NCOA1: variants seen among roughly 807,000 people sequenced by gnomAD.
NCOA1 encodes nuclear receptor coactivator 1.
A neutral mutation model predicts 150.9 loss-of-function variants in NCOA1; 35 were observed. The ratio of observed to expected loss-of-function variants is 0.23; its 90% CI spans 0.18 to 0.31. NCOA1 has a LOEUF of 0.31. Among genes scored for constraint, NCOA1 ranks in the 10% least tolerant of loss-of-function variants. The pLI, the probability that NCOA1 is intolerant of heterozygous loss-of-function variation, is 1.00. For missense variants in NCOA1, 1,491 were observed against 1,749.3 expected (o/e 0.85, Z 2.63); for synonymous variants, 590 against 630.0 (o/e 0.94, Z 0.95).
At chr2:24,691,752 G>A in intron 9 of NCOA1, 92 bp downstream of exon 9, 3 of 1,344,806 alleles carry the variant, frequency 2.2e-6, no homozygotes, top group South Asian at 1.4e-5. Flanking sequence ...TTTTCAGATA[G>A]TATTTTTGGT....
intron 3 of NCOA1, among the ~76,000 whole-genome samples, chr2:24,585,999 G>A (rs900031782): frequency 3.9e-5 from 6 of 152,158 alleles, no homozygotes; most frequent in African/African-American, 1.4e-4. Context: ...TTGGGGCCAG[G>A]GGCGGTGGCT....
chr2:24,624,459 T>C (rs1312927248), intron 3 of NCOA1, among the ~76,000 whole-genome samples: 2 of 152,226 alleles, frequency 1.3e-5, no homozygotes, highest in Non-Finnish European at 2.9e-5. Context: ...TACATTTCTG[T>C]ATTTAATAAG....
intron 11 of NCOA1, among the ~76,000 whole-genome samples, chr2:24,703,997 T>C (rs570371669): frequency 7.9e-5 from 12 of 152,300 alleles, no homozygotes; most frequent in African/African-American, 2.9e-4. Flanking sequence ...GCATAGCCTT[T>C]ACGTATTTAA....
chr2:24,576,978 A>G (rs12474894), intron 2 of NCOA1, among the ~76,000 whole-genome samples: 23,078 of 151,750 alleles, frequency 0.15, 2,420 homozygotes, highest in Admixed American at 0.29. Flanking sequence ...ACCCATACTT[A>G]TTTGCTTTTT....
chr2:24,747,327 C>CTTTTTTTT (rs148901218), intron 19 of NCOA1, among the ~76,000 whole-genome samples: 4 of 120,166 alleles, frequency 3.3e-5, no homozygotes, highest in African/African-American at 6.3e-5. Context: ...TTATTTTTCT[C>CTTTTTTTT]TTTTTTTTTT....
intron 1 of NCOA1, among the ~76,000 whole-genome samples, chr2:24,552,918 G>A (rs6708435): frequency 0.81 from 122,891 of 152,060 alleles, 51,521 homozygotes; most frequent in East Asian, 0.99. Context: ...TATATAGACA[G>A]TCTTGTCATT....
At chr2:24,547,988 C>CAAAGAAAA (rs1665670822) in intron 1 of NCOA1, among the ~76,000 whole-genome samples, 1 of 74,916 alleles carries the variant, frequency 1.3e-5, no homozygotes, top group African/African-American at 6.0e-5. Context: ...GACTCTGTCT[C>CAAAGAAAA]AAAAAAAAAA....
chr2:24,748,806 G>A (rs1315281648), intron 19 of NCOA1, among the ~76,000 whole-genome samples: 1 of 151,870 alleles, frequency 6.6e-6, no homozygotes, highest in Non-Finnish European at 1.5e-5. Flanking sequence ...ATATTACACA[G>A]GCATATATGC....
chr2:24,683,223 CAGT>C (rs1464035352), intron 8 of NCOA1, 95 bp downstream of exon 8: 2 of 709,914 alleles, frequency 2.8e-6, no homozygotes, highest in Non-Finnish European at 4.0e-6. Context: ...TTATAATACA[CAGT>C]ATTATATATG....
chr2:24,562,870 C>T (rs1196763984), intron 1 of NCOA1, among the ~76,000 whole-genome samples: 2 of 151,984 alleles, frequency 1.3e-5, no homozygotes. Context: ...TGAGTCTGGA[C>T]TCAGGTTAGA....
intron 14 of NCOA1, among the ~76,000 whole-genome samples, chr2:24,716,757 C>CAATAACCTT: frequency 6.6e-6 from 1 of 152,118 alleles, no homozygotes; most frequent in Non-Finnish European, 1.5e-5. Context: ...AATCAATAAT[C>CAATAACCTT]AATAACCTTT....
rs1572604109 is a variant in NCOA1 at position 24,695,330 on chromosome 2, A to G, written c.808+1983A>G. On this transcript the variant is annotated intron_variant, in intron 10 of 22. Transcript: ENST00000348332. ...CCTCCAATATCACAGAATCCAACCT[A>G]GATTTACAAATGAGGGGATGGTGAT... Among the ~76,000 whole-genome samples, 7 of 152,310 alleles carry G rather than the reference A, an allele frequency of 4.6e-5. No individual in the cohort carries two copies. The South Asian group carries it at 1.2e-3, about 27-fold the overall frequency.
At chr2:24,642,036 GTGCGCGCGTGCGTA>G (rs1425583563) in intron 3 of NCOA1, among the ~76,000 whole-genome samples, 2 of 144,476 alleles carry the variant, frequency 1.4e-5, no homozygotes, top group Non-Finnish European at 3.1e-5. Context: ...GTGTGTGTGT[GTGCGCGCGTGCGTA>G]TGTGTGTGTG....
At chr2:24,597,815 C>T in intron 3 of NCOA1, among the ~76,000 whole-genome samples, 1 of 152,048 alleles carries the variant, frequency 6.6e-6, no homozygotes, top group East Asian at 1.9e-4. Context: ...TTCTAGGGCA[C>T]ATGTGCACAA....
Position 24,707,240 on chromosome 2 carries a change from A to C in NCOA1, c.1770A>C (p.Ser590=). The stretch of plus-strand genomic sequence containing the variant: ...CCAAAGATAACAAAGAGATTGCCTC[A>C]ATTTTAAATGAAATGATTCAATCTG... ...AESKDNKEIA[S]ILNEMIQSDN... is the part of the protein sequence containing the mutation. Residue 590 remains serine (S), a synonymous_variant, in exon 13 of 23, where the codon TCA becomes TCC. Coordinates refer to ENST00000348332, the MANE Select transcript of NCOA1 (RefSeq NM_003743.5). 6.2e-7 allele frequency: 1 copy of C among 1,614,214 alleles called. No homozygotes were observed. Among genetic ancestry groups the C allele is most frequent in the Non-Finnish European group, 8.5e-7 (1 of 1,180,042 alleles).
At chr2:24,567,206 A>G (rs984567299) in intron 2 of NCOA1, among the ~76,000 whole-genome samples, 1 of 152,222 alleles carries the variant, frequency 6.6e-6, no homozygotes, top group African/African-American at 2.4e-5. Flanking sequence ...AAAAGAGGTT[A>G]CTTTGATGAT....
intron 13 of NCOA1, among the ~76,000 whole-genome samples, chr2:24,709,890 T>C (rs1673646658): frequency 6.6e-6 from 1 of 152,100 alleles, no homozygotes; most frequent in South Asian, 2.1e-4. Context: ...TGCCCAAACT[T>C]CAGAAATATA....
At chr2:24,579,830 C>G (rs144352876) in intron 2 of NCOA1, among the ~76,000 whole-genome samples, 2 of 152,288 alleles carry the variant, frequency 1.3e-5, no homozygotes, top group East Asian at 3.9e-4. Flanking sequence ...AGATTGAAAA[C>G]AAGCTTCAAG....
chr2:24,693,419 C>T, intron 10 of NCOA1, 72 bp downstream of exon 10: 1 of 1,271,826 alleles, frequency 7.9e-7, no homozygotes, highest in African/African-American at 1.5e-5. Context: ...CTAATTATAT[C>T]CAGAATGTCT....
Sources: allele counts gnomAD v4.1 joint callset (sites outside exome capture counted in the v4.1 genomes callset), GRCh38; gene constraint gnomAD v4.1.1; transcripts MANE v1.5; gene names NCBI Gene and HGNC (gene_info 2026-07-23, HGNC 2026-07-21).